Variants in DAB2IP observed in about 807,000 individuals in gnomAD.
DAB2IP encodes the protein DAB2 interacting protein, also known as disabled homolog 2-interacting protein.
Under a neutral mutation model 107.2 loss-of-function variants are expected in DAB2IP, and 28 were observed. The observed-to-expected ratio is 0.26, with a 90% CI of 0.19 to 0.36. The LOEUF (loss-of-function observed/expected upper bound fraction) is 0.36. DAB2IP is among the 10% of genes least tolerant of loss of function. The pLI is 1.00. For missense variants in DAB2IP, 1,400 were observed against 1,644.7 expected (o/e 0.85, Z 2.57); for synonymous variants, 755 against 706.4 (o/e 1.07, Z -1.09).
At chr9:121,589,559 T>G (rs1830381593) in intron 1 of DAB2IP, among the ~76,000 whole-genome samples, 1 of 152,116 alleles carries the variant, frequency 6.6e-6, no homozygotes, top group South Asian at 2.1e-4. Flanking sequence ...GTCTCAGCCA[T>G]TACCAGCAGT....
rs769543291 is a variant in DAB2IP at position 121,763,910 on chromosome 9, G to A, written c.1460+31G>A. ...TGCGGTGCCCAGGTCTCCCCACCCT[G>A]TCGCCTTCCCCATCCTGTCCTTCAG... On this transcript the variant is annotated intron_variant, in intron 8 of 15. Transcript: ENST00000408936. The A allele has an allele frequency of 1.5e-4, 234 of 1,608,170 alleles. 6 individuals carry two copies. The South Asian group carries it at 2.4e-3, about 17-fold the overall frequency.
At position 121,767,445 on chromosome 9, in the gene DAB2IP, G is replaced by GAGAC. The variant is rs552001409; in HGVS notation, c.1697+718_1697+721dup. On this transcript the variant is annotated intron_variant, in intron 9 of 15. Transcript: ENST00000408936. ...GAGGGCTCTCAGCTTGTTGGGAGAGGAGACAGGAAAGCCTCCAGGGTGACA... is the reference window on the plus strand; with the variant it reads ...GAGGGCTCTCAGCTTGTTGGGAGAGGAGACAGACAGGAAAGCCTCCAGGGTGACA... Among the ~76,000 whole-genome samples, 893 of 152,306 alleles carry GAGAC rather than the reference G, an allele frequency of 5.9e-3. 6 individuals are homozygous for GAGAC. The highest frequency in any genetic ancestry group is 8.9e-3 in the Non-Finnish European group (605 of 68,020).
intron 1 of DAB2IP, among the ~76,000 whole-genome samples, chr9:121,611,742 A>C (rs1412090255): frequency 6.6e-6 from 1 of 151,878 alleles, no homozygotes; most frequent in African/African-American, 2.4e-5. Context: ...GTGCCACCAC[A>C]GTCAGCTAAT....
chr9:121,595,484 T>C lies in DAB2IP; in HGVS notation c.40+28256T>C, dbSNP rs183437542. Among the ~76,000 whole-genome samples, 6 of 151,906 alleles carry C rather than the reference T, an allele frequency of 3.9e-5. No individual in the cohort carries two copies. In the East Asian group the frequency reaches 1.2e-3, roughly 29 times the overall value. Reference sequence around the variant, plus strand: ...CCGCCATGGTGGCGTGTGCCTGTAGTCCTAGCTACTCAGGATGCTGAGGTG... The same window carrying C: ...CCGCCATGGTGGCGTGTGCCTGTAGCCCTAGCTACTCAGGATGCTGAGGTG... On this transcript the variant is annotated intron_variant, in intron 1 of 16. Transcript: ENST00000259371.
In DAB2IP at chr9:121,760,557, C is replaced by G; in HGVS notation, c.1170+118C>G. On this transcript the variant is annotated intron_variant, in intron 6 of 15. Coordinates refer to ENST00000408936, the Ensembl canonical transcript of DAB2IP. This position sits in a 1 kb window ranked among gnomAD's most constrained non-coding sequence, Gnocchi z 5.9. The stretch of plus-strand genomic sequence containing the variant: ...AGGCCTTGGAGGCACCGGTCACTAC[C>G]AGAAGGGCTCCCTAAACCCAAAAGT... 1 of 1,283,792 alleles carries G rather than the reference C, an allele frequency of 7.8e-7. No individual in the cohort carries two copies. Among genetic ancestry groups the G allele is most frequent in the Admixed American group, 2.9e-5 (1 of 35,074 alleles). The allele number at this position is 1,283,792 out of a possible 1,614,324, so 79.5% of individuals were successfully genotyped here. A position where few individuals can be genotyped will look rare whatever the true frequency, so the allele number is the denominator to read the frequency against.
At chr9:121,728,855 C>T (rs1385417838) in intron 3 of DAB2IP, among the ~76,000 whole-genome samples, 1 of 152,186 alleles carries the variant, frequency 6.6e-6, no homozygotes, top group East Asian at 1.9e-4. Flanking sequence ...TATTTAAACA[C>T]ACTTCAAAGA....
chr9:121,584,725 GAGGACCAA>G (rs1347471699), intron 1 of DAB2IP, among the ~76,000 whole-genome samples: 1 of 152,204 alleles, frequency 6.6e-6, no homozygotes, highest in African/African-American at 2.4e-5. Flanking sequence ...AAGTAGAGAA[GAGGACCAA>G]AGTGGGAAGC....
chr9:121,772,914 GGGCTGGCCACGGTGC>G lies in DAB2IP; in HGVS notation c.2390_2404del (p.Leu797_Arg801del). The stretch of plus-strand genomic sequence containing the variant: ...CCGGGCAACCCCAGTGAACCTGGCA[GGGCTGGCCACGGTGC>G]GGCGGGCAGGCCAGACACCAACCAC... On this transcript the variant is annotated inframe_deletion, in exon 12 of 16. Transcript: ENST00000408936. The surrounding 1 kb of genome is among the most constrained non-coding windows in gnomAD (Gnocchi z 4.7). 1.3e-6 allele frequency: 2 copies of G among 1,567,566 alleles called. No homozygotes were observed. Among genetic ancestry groups the G allele is most frequent in the Non-Finnish European group, 1.7e-6 (2 of 1,160,874 alleles).
chr9:121,592,630 T>C (rs1353868440), intron 1 of DAB2IP, among the ~76,000 whole-genome samples: 6 of 152,222 alleles, frequency 3.9e-5, no homozygotes, highest in Non-Finnish European at 7.3e-5. Flanking sequence ...TTGTACAACA[T>C]GTAACATTAG....
chr9:121,706,541 C>G (rs566495763), intron 3 of DAB2IP, among the ~76,000 whole-genome samples: 25 of 152,302 alleles, frequency 1.6e-4, no homozygotes, highest in South Asian at 8.3e-4. Context: ...CTTGGTCAGG[C>G]CCTGCCTCTG....
chr9:121,635,771 C>G lies in DAB2IP; in HGVS notation c.41-42907C>G, dbSNP rs759044747. Among the ~76,000 whole-genome samples the G allele has an allele frequency of 2.6e-5, 4 of 152,224 alleles. No individual in the cohort carries two copies. The highest frequency in any genetic ancestry group is 5.9e-5 in the Non-Finnish European group (4 of 68,046). ...GGGAGCGGGTTTTGGCCCAGCCCCA[C>G]GCAGAGCCTTAAAGACGCAGCCATG... On this transcript the variant is annotated intron_variant, in intron 1 of 16. Transcript: ENST00000259371. The surrounding 1 kb of genome is among the most constrained non-coding windows in gnomAD (Gnocchi z 4.3).
chr9:121,695,860 CGTTTTT>C (rs749728534), intron 2 of DAB2IP, among the ~76,000 whole-genome samples: 6 of 152,088 alleles, frequency 3.9e-5, no homozygotes, highest in Non-Finnish European at 8.8e-5. Context: ...ATCAGTTTTT[CGTTTTT>C]GTTTTTGTTT....
intron 3 of DAB2IP, among the ~76,000 whole-genome samples, chr9:121,752,729 TG>T (rs1448938619): frequency 7.2e-5 from 11 of 152,234 alleles, no homozygotes; most frequent in Non-Finnish European, 1.6e-4. Flanking sequence ...TGCCAAGTTC[TG>T]GGGCTGGCAT....
chr9:121,736,556 GGGAGGGCCC>G lies in DAB2IP; in HGVS notation c.363-20449_363-20441del, dbSNP rs1431575896. Reference sequence around the variant, plus strand: ...TACTGCTGTGGGGTGGGGGGCGGGTGGGAGGGCCCGGAGGGCTGGGGCTGGGGCGGGCCG... The same window carrying G: ...TACTGCTGTGGGGTGGGGGGCGGGTGGGAGGGCTGGGGCTGGGGCGGGCCG... On this transcript the variant is annotated intron_variant, in intron 3 of 15. Coordinates refer to ENST00000408936, the Ensembl canonical transcript of DAB2IP. This position sits in a 1 kb window ranked among gnomAD's most constrained non-coding sequence, Gnocchi z 4.6. 5.6e-4 allele frequency among the ~76,000 whole-genome samples: 85 copies of G among 150,702 alleles called. No individual in the cohort carries two copies. Among genetic ancestry groups the G allele is most frequent in the African/African-American group, 1.9e-3 (80 of 41,240 alleles).
intron 2 of DAB2IP, among the ~76,000 whole-genome samples, chr9:121,697,397 G>C (rs566671747): frequency 1.5e-4 from 23 of 152,194 alleles, no homozygotes; most frequent in Admixed American, 2.6e-4. Context: ...TGGGAGAAGA[G>C]AACCCATCCA....
Position 121,633,931 on chromosome 9 carries a change from C to T in DAB2IP, c.41-44747C>T, listed in dbSNP as rs1165817456. The stretch of plus-strand genomic sequence containing the variant: ...CTATTCAAAGGCTTGGCCCAGATGC[C>T]ACCTCCTCTGTGAAGCCTTTCTTGA... On this transcript the variant is annotated intron_variant, in intron 1 of 16. Transcript: ENST00000259371. The surrounding 1 kb of genome is among the most constrained non-coding windows in gnomAD (Gnocchi z 5.1). Among the ~76,000 whole-genome samples, 1 of 152,200 alleles carries T rather than the reference C, an allele frequency of 6.6e-6. No homozygotes were observed. Among genetic ancestry groups the T allele is most frequent in the Non-Finnish European group, 1.5e-5 (1 of 68,030 alleles).
At chr9:121,609,134 G>A (rs1330783927) in intron 1 of DAB2IP, among the ~76,000 whole-genome samples, 2 of 152,106 alleles carry the variant, frequency 1.3e-5, no homozygotes, top group Non-Finnish European at 2.9e-5. Flanking sequence ...TAGTAGAGAC[G>A]GGGTTTTGCC....
At chr9:121,758,020 C>T (rs530172862) in intron 4 of DAB2IP, among the ~76,000 whole-genome samples, 17 of 152,246 alleles carry the variant, frequency 1.1e-4, no homozygotes, top group Non-Finnish European at 2.2e-4. Context: ...ATTTCTGGTT[C>T]AGGACTCCTG....
At chr9:121,781,326 G>T in intron 14 of DAB2IP, 138 bp from the exon 15 acceptor site, 1 of 764,984 alleles carries the variant, frequency 1.3e-6, no homozygotes. Context: ...AGGCAAGTAT[G>T]GGAGGCAAGT....
Sources: gnomAD v4.1 joint callset for allele counts (sites outside exome capture counted in the v4.1 genomes callset) on GRCh38, gnomAD v4.1.1 for gene constraint, Gnocchi (gnomAD v3.1) non-coding constraint, MANE v1.5 for transcripts, NCBI Gene and HGNC (gene_info 2026-07-23, HGNC 2026-07-21) for gene names.